ORC4: variants seen among roughly 807,000 people sequenced by gnomAD.
The protein encoded by ORC4 is origin recognition complex, subunit 4 homolog.
In ORC4, 55 loss-of-function variants were observed where a neutral mutation model predicts 63.9. The observed-to-expected ratio is 0.86, with a 90% CI of 0.69 to 1.08. The LOEUF (loss-of-function observed/expected upper bound fraction) is 1.08. ORC4 is among the 50% of genes least tolerant of loss of function. The pLI is 0.00. For synonymous variants in ORC4, 150 were observed against 168.5 expected (o/e 0.89, Z 0.85); for missense variants, 511 against 504.4 (o/e 1.01, Z -0.13).
chr2:147,940,344 T>TG lies in ORC4; in HGVS notation c.850-1097dup, dbSNP rs1688296481. Among the ~76,000 whole-genome samples the TG allele has an allele frequency of 3.3e-5, 5 of 152,088 alleles. 1 individual carries two copies. The highest frequency in any genetic ancestry group is 3.3e-4 in the Admixed American group (5 of 15,224). ...TATCCCTCGCCCCACTGGAAAACAATGTGGAGATTCCTTAAAGAACTAAAA... is the reference window on the plus strand; with the variant it reads ...TATCCCTCGCCCCACTGGAAAACAATGGTGGAGATTCCTTAAAGAACTAAAA... On this transcript the variant is annotated intron_variant, in intron 10 of 13. Transcript: ENST00000392857.
intron 4 of ORC4, among the ~76,000 whole-genome samples, chr2:147,968,654 C>CA (rs1023969170): frequency 4.0e-5 from 6 of 151,068 alleles, no homozygotes; most frequent in Non-Finnish European, 7.4e-5. Flanking sequence ...GGTGAAGATG[C>CA]AAAAAAAAGG....
intron 2 of ORC4, among the ~76,000 whole-genome samples, chr2:147,975,439 C>T (rs1479740985): frequency 6.6e-6 from 1 of 151,310 alleles, no homozygotes; most frequent in Non-Finnish European, 1.5e-5. Context: ...ACAAGAATGT[C>T]CATTCTTCCC....
intron 10 of ORC4, among the ~76,000 whole-genome samples, chr2:147,940,540 T>C (rs1423504465): frequency 1.3e-5 from 2 of 151,972 alleles, no homozygotes; most frequent in South Asian, 4.1e-4. Flanking sequence ...CAAATGCCCA[T>C]CAATCAACGA....
rs17225200 is a variant in ORC4 at position 148,009,657 on chromosome 2, G to C, written c.-18+10976C>G. ...ACTTCAACAGCCCACTTTCACCATTGGACAGATCATCTAGACAGAAAGAAA... is the reference window on the plus strand; with the variant it reads ...ACTTCAACAGCCCACTTTCACCATTCGACAGATCATCTAGACAGAAAGAAA... On this transcript the variant is annotated intron_variant, in intron 1 of 13. Coordinates refer to ENST00000392857, the MANE Select transcript of ORC4 (RefSeq NM_181741.4). Among the ~76,000 whole-genome samples the C allele has an allele frequency of 1.0e-3, 158 of 152,128 alleles. 1 individual carries two copies. The highest frequency in any genetic ancestry group is 1.0e-3 in the Non-Finnish European group (69 of 67,986).
At chr2:147,953,804 G>A (rs539971805) in intron 7 of ORC4, among the ~76,000 whole-genome samples, 3 of 152,010 alleles carry the variant, frequency 2.0e-5, no homozygotes, top group African/African-American at 4.8e-5. Context: ...GTTAAAAAGT[G>A]AAACAAATAT....
chr2:147,986,391 T>G (rs546715943), intron 1 of ORC4, among the ~76,000 whole-genome samples: 1 of 152,078 alleles, frequency 6.6e-6, no homozygotes, highest in Non-Finnish European at 1.5e-5. Context: ...CTTGCATCAA[T>G]AAAATCTCCT....
intron 11 of ORC4, 58 bp downstream of exon 11, chr2:147,939,082 A>G (rs954976324): frequency 2.0e-6 from 2 of 991,110 alleles, no homozygotes; most frequent in African/African-American, 1.6e-5. Flanking sequence ...AAAACATTCC[A>G]TTATCTAAAT....
chr2:147,935,562 T>C lies in ORC4; in HGVS notation c.1259A>G (p.Asn420Ser), dbSNP rs759729786. 2.0e-5 allele frequency: 33 copies of C among 1,613,682 alleles called. No homozygotes were observed. Among genetic ancestry groups the C allele is most frequent in the Non-Finnish European group, 2.5e-6 (3 of 1,179,772 alleles). Residue 420 changes from asparagine to serine, a missense_variant, in exon 14 of 14, where the codon AAC (asparagine) becomes AGC (serine). By Grantham distance (46) the Asn-to-Ser change is conservative (BLOSUM62 1). Transcript: ENST00000392857. ...QIMNALQKYP[N>S]CPTDVRQWAT... The stretch of plus-strand genomic sequence containing the variant: ...CCACTGCCTCACATCTGTAGGACAG[T>C]TGGGATATTTCTGCAGAGCATTCAT...
At position 147,939,399 on chromosome 2, in the gene ORC4, T is replaced by TAA. The variant is rs1406639971; in HGVS notation, c.850-152_850-151insTT. On this transcript the variant is annotated intron_variant, in intron 10 of 13. Coordinates refer to ENST00000392857, the MANE Select transcript of ORC4 (RefSeq NM_181741.4). The stretch of plus-strand genomic sequence containing the variant: ...ATTCTCAAATTCAGTTGTATTAAAA[T>TAA]ACAGTATTTCAATTTGTGTGTCACA... 4.6e-6 allele frequency: 3 copies of TAA among 648,296 alleles called. No individual in the cohort carries two copies. The East Asian group carries it at 8.6e-5, about 19-fold the overall frequency. The allele number at this position is 648,296 out of a possible 1,614,324, so 40.2% of individuals were successfully genotyped here. A position where few individuals can be genotyped will look rare whatever the true frequency, so the allele number is the denominator to read the frequency against.
At chr2:148,016,215 G>C (rs1464246113) in intron 1 of ORC4, among the ~76,000 whole-genome samples, 2 of 152,108 alleles carry the variant, frequency 1.3e-5, no homozygotes, top group East Asian at 3.9e-4. Context: ...ACAAAAACTA[G>C]ATTTTATATG....
At chr2:147,961,478 A>C (rs1689588381) in intron 4 of ORC4, among the ~76,000 whole-genome samples, 1 of 151,940 alleles carries the variant, frequency 6.6e-6, no homozygotes, top group Non-Finnish European at 1.5e-5. Flanking sequence ...AAATTATACT[A>C]TCGAGAGTTA....
rs373470815 is a variant in ORC4 at position 147,938,417 on chromosome 2, T to C, written c.959-24A>G. ...ACCTACAGTAAAAGGGAAAAAAAAC[T>C]ATCAGTTTAATGACATATAAGACTG... On this transcript the variant is annotated intron_variant, in intron 11 of 13. Transcript: ENST00000392857. The C allele has an allele frequency of 1.6e-4, 206 of 1,311,256 alleles. No homozygotes were observed. The Middle Eastern group carries it at 2.3e-3, about 15-fold the overall frequency. 81.2% of individuals were successfully genotyped at this position (1,311,256 alleles called of 1,614,324 possible).
In ORC4 at chr2:147,949,053, A is replaced by C. The variant is rs1688810234; in HGVS notation, c.589-829T>G. 2.0e-5 allele frequency among the ~76,000 whole-genome samples: 3 copies of C among 147,654 alleles called. No individual in the cohort carries two copies. In the South Asian group the frequency reaches 6.3e-4, roughly 31 times the overall value. On this transcript the variant is annotated intron_variant, in intron 8 of 13. Transcript: ENST00000392857. ...TATATGTATATATACATCTATATATATACAGTATAGTATAATATATATTTA... is the reference window on the plus strand; with the variant it reads ...TATATGTATATATACATCTATATATCTACAGTATAGTATAATATATATTTA...
At chr2:147,981,283 T>G (rs1431814593) in intron 1 of ORC4, among the ~76,000 whole-genome samples, 1 of 152,212 alleles carries the variant, frequency 6.6e-6, no homozygotes, top group Non-Finnish European at 1.5e-5. Context: ...ACTGAGTGAT[T>G]ATGGGACACA....
At chr2:147,990,274 T>C (rs766466954) in intron 1 of ORC4, among the ~76,000 whole-genome samples, 2 of 152,214 alleles carry the variant, frequency 1.3e-5, no homozygotes, top group Non-Finnish European at 2.9e-5. Context: ...AAAGGTATTT[T>C]AGGAGAAATT....
At chr2:147,939,063 G>A in intron 11 of ORC4, 77 bp downstream of exon 11, 1 of 888,978 alleles carries the variant, frequency 1.1e-6, no homozygotes, top group East Asian at 2.5e-5. Flanking sequence ...CACGTTAATT[G>A]TAATTTTAAA....
chr2:148,013,760 CAAAGCATAAATA>C (rs1693108096), intron 1 of ORC4, among the ~76,000 whole-genome samples: 1 of 151,776 alleles, frequency 6.6e-6, no homozygotes, highest in Admixed American at 6.6e-5. Context: ...AATTTTGGCT[CAAAGCATAAATA>C]TATTAAAATC....
At position 147,935,445 on chromosome 2, in the gene ORC4, A is replaced by G. The variant is rs1416049545; in HGVS notation, c.*65T>C. 1.1e-5 allele frequency: 13 copies of G among 1,181,088 alleles called. No homozygotes were observed. The highest frequency in any genetic ancestry group is 1.9e-4 in the Middle Eastern group (1 of 5,218). The allele number at this position is 1,181,088 out of a possible 1,614,324, so 73.2% of individuals were successfully genotyped here. On this transcript the variant is annotated 3_prime_UTR_variant, in exon 14 of 14. Coordinates refer to ENST00000392857, the MANE Select transcript of ORC4 (RefSeq NM_181741.4). Reference sequence around the variant, plus strand: ...AATGTTTAGCATATCATGTTAATGGACAATAGTTTTCCGTTCTCTACAGAA... The same window carrying G: ...AATGTTTAGCATATCATGTTAATGGGCAATAGTTTTCCGTTCTCTACAGAA...
intron 4 of ORC4, among the ~76,000 whole-genome samples, chr2:147,964,262 T>C (rs1689774307): frequency 6.6e-6 from 1 of 151,784 alleles, no homozygotes; most frequent in Non-Finnish European, 1.5e-5. Flanking sequence ...AGAGATACCA[T>C]AAAAAAACAA....
Sources: gnomAD v4.1 joint callset for allele counts (sites outside exome capture counted in the v4.1 genomes callset) on GRCh38, gnomAD v4.1.1 for gene constraint, MANE v1.5 for transcripts, NCBI Gene and HGNC (gene_info 2026-07-23, HGNC 2026-07-21) for gene names.